The following PTGES variants were observed in gnomAD, a reference collection of about 807,000 sequenced individuals.
The protein encoded by PTGES is MGST1-like 1.
Under a neutral mutation model 11.8 loss-of-function variants are expected in PTGES, and 3 were observed. The observed-to-expected ratio is 0.25, with a 90% CI of 0.12 to 0.66. PTGES has a LOEUF of 0.66. PTGES is among the 30% of genes least tolerant of loss of function. The pLI is 0.82. For synonymous variants in PTGES, 94 were observed against 90.4 expected (o/e 1.04, Z -0.22); for missense variants, 180 against 213.0 (o/e 0.85, Z 0.96).
At chr9:129,744,655 T>C (rs1364883296) in intron 2 of PTGES, among the ~76,000 whole-genome samples, 2 of 149,026 alleles carry the variant, frequency 1.3e-5, no homozygotes, top group Non-Finnish European at 1.5e-5. Context: ...GGCAGGCGGA[T>C]CACTTGAGGT....
intron 1 of PTGES, among the ~76,000 whole-genome samples, chr9:129,751,873 G>A (rs909567539): frequency 2.0e-5 from 3 of 152,160 alleles, no homozygotes; most frequent in East Asian, 1.9e-4. Flanking sequence ...GGCCACATTC[G>A]GTCCTCTGGG....
At chr9:129,752,069 G>A (rs577442953) in intron 1 of PTGES, among the ~76,000 whole-genome samples, 3 of 152,338 alleles carry the variant, frequency 2.0e-5, no homozygotes, top group African/African-American at 7.2e-5. Context: ...CTGGCTTGTG[G>A]CCAAGATCCT....
At position 129,745,034 on chromosome 9, in the gene PTGES, C is replaced by T. The variant is rs946281515; in HGVS notation, c.209+3621G>A. ...CTGCGTTCACTATGTACAAAATGTA[C>T]ATGCTGGATGACATCTAAGGGACTT... On this transcript the variant is annotated intron_variant, in intron 2 of 2. Coordinates refer to ENST00000340607, the MANE Select transcript of PTGES (RefSeq NM_004878.5). This position sits in a 1 kb window ranked among gnomAD's most constrained non-coding sequence, Gnocchi z 4.2. Among the ~76,000 whole-genome samples the T allele has an allele frequency of 6.6e-6, 1 of 152,100 alleles. No homozygotes were observed. The highest frequency in any genetic ancestry group is 1.5e-5 in the Non-Finnish European group (1 of 68,022).
chr9:129,745,188 T>C lies in PTGES; in HGVS notation c.209+3467A>G, dbSNP rs1350308702. 1.3e-5 allele frequency among the ~76,000 whole-genome samples: 2 copies of C among 152,150 alleles called. No homozygotes were observed. Among genetic ancestry groups the C allele is most frequent in the African/African-American group, 4.8e-5 (2 of 41,432 alleles). On this transcript the variant is annotated intron_variant, in intron 2 of 2. Transcript: ENST00000340607. The surrounding 1 kb of genome is among the most constrained non-coding windows in gnomAD (Gnocchi z 4.2). ...CCTCTCTTCTTTGGGACCACACAGG[T>C]AACCCCTCCGTGCAGTTCCACACAC...
intron 1 of PTGES, among the ~76,000 whole-genome samples, chr9:129,751,962 GTCAGAAGCTA>G (rs1443135214): frequency 4.6e-5 from 7 of 152,338 alleles, no homozygotes; most frequent in Non-Finnish European, 8.8e-5. Context: ...GCAGGGAGAA[GTCAGAAGCTA>G]TCAGTGTGCT....
At position 129,738,457 on chromosome 9, in the gene PTGES, A is replaced by G. The variant is rs947847446; in HGVS notation, c.*1154T>C. 2 of 143,598 alleles carry G rather than the reference A, an allele frequency of 1.4e-5. No individual in the cohort carries two copies. The highest frequency in any genetic ancestry group is 5.4e-5 in the African/African-American group (2 of 36,980). The allele number at this position is 143,598 out of a possible 1,614,324, so 8.9% of individuals were successfully genotyped here. ...CACACACACACACACACACACACAC[A>G]CGGATTCCCCATCAAGGGGACATTT... On this transcript the variant is annotated 3_prime_UTR_variant, in exon 3 of 3. Coordinates refer to ENST00000340607, the MANE Select transcript of PTGES (RefSeq NM_004878.5). This position sits in a 1 kb window ranked among gnomAD's most constrained non-coding sequence, Gnocchi z 4.2.
chr9:129,739,621 C>T lies in PTGES; in HGVS notation c.449G>A (p.Arg150His), dbSNP rs764357507. ...GGCATCAGCTGCTGGTCACAGGTGGCGGGCCGCTTCCCAGAGGATCTGCAG... is the reference window on the plus strand; with the variant it reads ...GGCATCAGCTGCTGGTCACAGGTGGTGGGCCGCTTCCCAGAGGATCTGCAG... Reference protein sequence around the residue: ...MALQILWEAARHL With the variant: ...MALQILWEAAHHL The change falls in exon 3 of 3, where the codon CGC (arginine) becomes CAC (histidine). Residue 150 changes from arginine to histidine, a missense_variant. By Grantham distance (29) the Arg-to-His change is conservative (BLOSUM62 0). Transcript: ENST00000340607. This position sits in a 1 kb window ranked among gnomAD's most constrained non-coding sequence, Gnocchi z 5.7. The T allele has an allele frequency of 3.0e-5, 46 of 1,550,660 alleles. No homozygotes were observed. The highest frequency in any genetic ancestry group is 1.7e-4 in the Middle Eastern group (1 of 5,860).
intron 2 of PTGES, among the ~76,000 whole-genome samples, chr9:129,747,038 G>A (rs1346828436): frequency 3.9e-5 from 6 of 152,036 alleles, no homozygotes; most frequent in Non-Finnish European, 8.8e-5. Flanking sequence ...TCAGCCTCCC[G>A]AGTAGCTGGG....
chr9:129,742,376 G>A (rs7021162), intron 2 of PTGES, among the ~76,000 whole-genome samples: 2,399 of 148,942 alleles, frequency 0.016, 59 homozygotes, highest in African/African-American at 0.056. Context: ...AAATCACTCC[G>A]TCCTCTGGCA....
At chr9:129,750,691 T>G (rs1390155242) in intron 1 of PTGES, among the ~76,000 whole-genome samples, 3 of 152,188 alleles carry the variant, frequency 2.0e-5, no homozygotes, top group African/African-American at 7.2e-5. Context: ...CATGTTAATT[T>G]CAGTTACTTA....
At chr9:129,747,071 C>T (rs1306230641) in intron 2 of PTGES, among the ~76,000 whole-genome samples, 1 of 152,188 alleles carries the variant, frequency 6.6e-6, no homozygotes, top group Non-Finnish European at 1.5e-5. Flanking sequence ...TGCCACCATG[C>T]CCGGCTAATT....
chr9:129,745,795 C>T lies in PTGES; in HGVS notation c.209+2860G>A, dbSNP rs1183900615. On this transcript the variant is annotated intron_variant, in intron 2 of 2. Transcript: ENST00000340607. The surrounding 1 kb of genome is among the most constrained non-coding windows in gnomAD (Gnocchi z 4.2). Reference sequence around the variant, plus strand: ...CTGTAATCCCAGCACTTTGGAAGCCCGAGGCAGGTGGATCACCTGAGGTCA... The same window carrying T: ...CTGTAATCCCAGCACTTTGGAAGCCTGAGGCAGGTGGATCACCTGAGGTCA... Among the ~76,000 whole-genome samples, 1 of 152,018 alleles carries T rather than the reference C, an allele frequency of 6.6e-6. No individual in the cohort carries two copies. Among genetic ancestry groups the T allele is most frequent in the Non-Finnish European group, 1.5e-5 (1 of 68,006 alleles).
At chr9:129,744,642 C>T (rs1437885087) in intron 2 of PTGES, among the ~76,000 whole-genome samples, 2 of 151,060 alleles carry the variant, frequency 1.3e-5, no homozygotes, top group Non-Finnish European at 2.9e-5. Context: ...TTGGGGAGGC[C>T]GAGGCAGGCG....
At chr9:129,744,538 C>T (rs567792156) in intron 2 of PTGES, among the ~76,000 whole-genome samples, 1 of 147,146 alleles carries the variant, frequency 6.8e-6, no homozygotes, top group South Asian at 2.2e-4. Flanking sequence ...TTCCACTGCA[C>T]TCCAGCCTGG....
Position 129,752,746 on chromosome 9 carries a change from C to T in PTGES, c.126+141G>A, listed in dbSNP as rs902004948. 5.7e-5 allele frequency: 74 copies of T among 1,296,510 alleles called. 1 individual carries two copies. The highest frequency in any genetic ancestry group is 4.0e-5 in the Non-Finnish European group (37 of 916,674). 80.3% of individuals were successfully genotyped at this position (1,296,510 alleles called of 1,614,324 possible). ...CTGACACGTGGGACTGGCAGGAAGC[C>T]CCCCGGCGGGGCTGGAAGAGGTGCT... On this transcript the variant is annotated intron_variant, in intron 1 of 2. Transcript: ENST00000340607.
chr9:129,743,075 A>G (rs1370012149), intron 2 of PTGES, among the ~76,000 whole-genome samples: 1 of 152,198 alleles, frequency 6.6e-6, no homozygotes, highest in Non-Finnish European at 1.5e-5. Context: ...GGGGAGGAGC[A>G]GGCCTTGCAG....
At position 129,742,346 on chromosome 9, in the gene PTGES, A is replaced by AC. The variant is rs1207826079; in HGVS notation, c.210-2487_210-2486insG. ...TCTGTCTCAAAAAAAAAAAAAAAAA[A>AC]AAAACATAAAACAAAACAAAAATCA... On this transcript the variant is annotated intron_variant, in intron 2 of 2. Transcript: ENST00000340607. 5.1e-4 allele frequency among the ~76,000 whole-genome samples: 66 copies of AC among 130,390 alleles called. 1 individual carries two copies. Among genetic ancestry groups the AC allele is most frequent in the East Asian group, 1.0e-3 (5 of 4,916 alleles). The allele number at this position is 130,390 out of a possible 152,430, so 85.5% of individuals were successfully genotyped here. A position where few individuals can be genotyped will look rare whatever the true frequency, so the allele number is the denominator to read the frequency against.
At chr9:129,741,305 A>G (rs533233138) in intron 2 of PTGES, among the ~76,000 whole-genome samples, 5 of 152,322 alleles carry the variant, frequency 3.3e-5, no homozygotes. Context: ...GCGGTGCACA[A>G]GAGGGAGTGA....
In PTGES at chr9:129,739,815, C is replaced by T. The variant is rs1459159530; in HGVS notation, c.255G>A (p.Leu85=). 6.4e-7 allele frequency: 1 copy of T among 1,570,774 alleles called. No homozygotes were observed. Among genetic ancestry groups the T allele is most frequent in the Non-Finnish European group, 8.6e-7 (1 of 1,157,614 alleles). ...GACCCAGAAAGGAGTAGACGAAGCC[C>T]AGGAAAAGGAAGGGGTAGATGGTCT... ...DMETIYPFLF[L]GFVYSFLGPN... Residue 85 remains leucine, a synonymous_variant, in exon 3 of 3, where the codon CTG becomes CTA. Transcript: ENST00000340607. The surrounding 1 kb of genome is among the most constrained non-coding windows in gnomAD (Gnocchi z 5.7).
Sources: gnomAD v4.1 joint callset for allele counts (sites outside exome capture counted in the v4.1 genomes callset) on GRCh38, gnomAD v4.1.1 for gene constraint, Gnocchi (gnomAD v3.1) non-coding constraint, MANE v1.5 for transcripts, NCBI Gene and HGNC (gene_info 2026-07-23, HGNC 2026-07-21) for gene names.